The following HNF1B variants were observed in gnomAD, a reference collection of about 807,000 sequenced individuals.
The protein encoded by HNF1B is hepatocyte nuclear factor 1-beta.
HNF1B carries 8 observed loss-of-function variants against 61.7 expected under a neutral mutation model. That is an observed-to-expected ratio of 0.13 (90% CI 0.08 to 0.23). HNF1B has a LOEUF of 0.23. HNF1B is among the 10% of genes least tolerant of loss of function. HNF1B has a pLI of 1.00. For synonymous variants in HNF1B, 314 were observed against 287.7 expected (o/e 1.09, Z -0.93); for missense variants, 562 against 714.5 (o/e 0.79, Z 2.43).
intron 6 of HNF1B, 110 bp downstream of exon 6, chr17:37,704,807 T>C: frequency 8.4e-7 from 1 of 1,194,822 alleles, no homozygotes; most frequent in East Asian, 2.3e-5. Context: ...CCAAATCTAC[T>C]AGTCGTGGGT....
At chr17:37,722,786 C>A (rs1198265604) in intron 4 of HNF1B, among the ~76,000 whole-genome samples, 1 of 152,188 alleles carries the variant, frequency 6.6e-6, no homozygotes, top group Non-Finnish European at 1.5e-5. Context: ...GTACCTGAAG[C>A]AGACGCATGC....
rs2032898272 is a variant in HNF1B, at chr17:37,710,548, G to A, written c.1161C>T (p.Ala387=). The change falls in exon 5 of 9, where the codon GCC becomes GCT. Residue 387 remains alanine (A), a synonymous_variant. Transcript: ENST00000617811. The stretch of plus-strand genomic sequence containing the variant: ...GGAGATTGTGGCCTGGGTCCAGGCT[G>A]GCTGGGGAGACTTGCTGTAAAACCG... The part of the protein sequence containing the change: ...SQSVLQQVSP[A]SLDPGHNLLS... 4 of 1,614,206 alleles carry A rather than the reference G, an allele frequency of 2.5e-6. No homozygotes were observed. The highest frequency in any genetic ancestry group is 3.4e-6 in the Non-Finnish European group (4 of 1,180,050).
At position 37,731,583 on chromosome 17, in the gene HNF1B, A is replaced by G. The variant is rs141166864; in HGVS notation, c.1045+12T>C. 1,804 of 1,604,964 alleles carry G rather than the reference A, an allele frequency of 1.1e-3. 1 individual carries two copies. The highest frequency in any genetic ancestry group is 2.2e-3 in the Admixed American group (130 of 58,392). The stretch of plus-strand genomic sequence containing the variant: ...TGGGTTGCCGAGGCAGTGAGGCCCA[A>G]CCTTTGCTTACCTGACAGCTTGTTT... On this transcript the variant is annotated intron_variant, in intron 4 of 8. Coordinates refer to ENST00000617811, the MANE Select transcript of HNF1B (RefSeq NM_000458.4).
At chr17:37,705,603 G>C (rs1020058441) in intron 5 of HNF1B, among the ~76,000 whole-genome samples, 3 of 152,168 alleles carry the variant, frequency 2.0e-5, no homozygotes, top group African/African-American at 7.2e-5. Context: ...ATTAGTATGA[G>C]AAAGCTACTG....
intron 4 of HNF1B, among the ~76,000 whole-genome samples, chr17:37,725,200 G>A (rs969394535): frequency 6.6e-6 from 1 of 152,230 alleles, no homozygotes; most frequent in Admixed American, 6.5e-5. Flanking sequence ...GGCCAGGGCT[G>A]TGTGCTTGCA....
chr17:37,709,062 C>T (rs547547110), intron 5 of HNF1B, among the ~76,000 whole-genome samples: 10 of 152,188 alleles, frequency 6.6e-5, no homozygotes, highest in East Asian at 5.8e-4. Flanking sequence ...GCATGAAAGT[C>T]GGGAATCTGC....
At chr17:37,730,900 GCTGTA>G (rs1269095649) in intron 4 of HNF1B, 2 of 156,168 alleles carry the variant, frequency 1.3e-5, no homozygotes, top group Non-Finnish European at 2.8e-5. Context: ...CCCCAAGGAG[GCTGTA>G]GGATTCCATC....
chr17:37,727,547 A>G (rs576601360), intron 4 of HNF1B, among the ~76,000 whole-genome samples: 9 of 152,334 alleles, frequency 5.9e-5, no homozygotes, highest in African/African-American at 1.9e-4. Flanking sequence ...CCTTGGCTGC[A>G]TGCTGGTGTG....
At chr17:37,709,591 A>G (rs1433032328) in intron 5 of HNF1B, among the ~76,000 whole-genome samples, 4 of 152,110 alleles carry the variant, frequency 2.6e-5, no homozygotes, top group Non-Finnish European at 4.4e-5. Flanking sequence ...TCAAATTCAA[A>G]TTGTGCATTC....
At chr17:37,735,080 G>A (rs1036215355) in intron 2 of HNF1B, among the ~76,000 whole-genome samples, 5 of 151,986 alleles carry the variant, frequency 3.3e-5, no homozygotes, top group African/African-American at 1.2e-4. Context: ...GTGAGCCACC[G>A]TGCCCGACCT....
At position 37,701,048 on chromosome 17, in the gene HNF1B, C is replaced by T; in HGVS notation, c.1469G>A (p.Ser490Asn). ...CTGCTGGGCCATGTGGCTGCCTGGGCTCTGCTGCATGAGGGGCTGCTGGTG... is the reference window on the plus strand; with the variant it reads ...CTGCTGGGCCATGTGGCTGCCTGGGTTCTGCTGCATGAGGGGCTGCTGGTG... The part of the protein sequence containing the change: ...SPHQQPLMQQ[S>N]PGSHMAQQPF... Residue 490 changes from serine to asparagine, a missense_variant, in exon 7 of 9, where the codon AGC becomes AAC. This residue lies in a region of HNF1B where 64 missense variants were observed against 96.9 expected (regional missense o/e 0.66). Transcript: ENST00000617811. 6.4e-7 allele frequency: 1 copy of T among 1,555,548 alleles called. No individual in the cohort carries two copies. Among genetic ancestry groups the T allele is most frequent in the East Asian group, 2.4e-5 (1 of 41,610 alleles).
At chr17:37,710,777 C>T (rs2032909458) in intron 4 of HNF1B, 114 bp from the exon 5 acceptor site, 6 of 956,664 alleles carry the variant, frequency 6.3e-6, no homozygotes, top group Non-Finnish European at 8.2e-6. Context: ...GTTGCTTTCT[C>T]CTCCCCTGTC....
chr17:37,731,385 C>CCT, intron 4 of HNF1B: 1 of 675,462 alleles, frequency 1.5e-6, no homozygotes. Context: ...CCGAGTGAGC[C>CCT]CTCACAGGGC....
chr17:37,700,838 G>C (rs1248680486), intron 7 of HNF1B, 145 bp downstream of exon 7: 16 of 760,872 alleles, frequency 2.1e-5, no homozygotes, highest in Middle Eastern at 3.5e-4. Context: ...AGTTATGCTT[G>C]AGAAATTGTC....
chr17:37,707,886 G>A (rs1369551854), intron 5 of HNF1B, among the ~76,000 whole-genome samples: 2 of 152,044 alleles, frequency 1.3e-5, no homozygotes, highest in Non-Finnish European at 2.9e-5. Flanking sequence ...GTACAACAGA[G>A]AGTTCAAATG....
chr17:37,712,478 A>G (rs1297987551), intron 4 of HNF1B, among the ~76,000 whole-genome samples: 3 of 152,176 alleles, frequency 2.0e-5, no homozygotes, highest in African/African-American at 7.2e-5. Flanking sequence ...CCCAGTTCCC[A>G]GTAGGATGCT....
chr17:37,714,989 A>C (rs1359547867), intron 4 of HNF1B, among the ~76,000 whole-genome samples: 2 of 152,020 alleles, frequency 1.3e-5, no homozygotes, highest in Non-Finnish European at 2.9e-5. Flanking sequence ...TATTTGCATT[A>C]TCTCTCACCA....
At chr17:37,733,422 G>A in intron 3 of HNF1B, 135 bp downstream of exon 3, 8 of 1,008,752 alleles carry the variant, frequency 7.9e-6, no homozygotes, top group Non-Finnish European at 1.3e-5. Flanking sequence ...GGGGTTCTGT[G>A]GAACATACTT....
chr17:37,733,896 AACG>A, intron 2 of HNF1B, 75 bp from the exon 3 acceptor site: 9 of 1,434,412 alleles, frequency 6.3e-6, no homozygotes, highest in Admixed American at 1.7e-5. Flanking sequence ...ACAGACAGAC[AACG>A]GACGAAGACA....
Sources: allele counts gnomAD v4.1 joint callset (sites outside exome capture counted in the v4.1 genomes callset), GRCh38; gene constraint gnomAD v4.1.1; regional missense constraint gnomAD v4.1.1; transcripts MANE v1.5; gene names NCBI Gene and HGNC (gene_info 2026-07-23, HGNC 2026-07-21).